WBP11: variants seen among roughly 807,000 people sequenced by gnomAD.
The protein encoded by WBP11 is WW domain binding protein 11, also known as WW domain-binding protein 11.
Under a neutral mutation model 66.7 loss-of-function variants are expected in WBP11, and 12 were observed. The observed-to-expected ratio is 0.18, with a 90% CI of 0.12 to 0.29. The LOEUF (loss-of-function observed/expected upper bound fraction) is 0.29. Among genes scored for constraint, WBP11 ranks in the 10% least tolerant of loss-of-function variants. WBP11 has a pLI of 1.00. For synonymous variants in WBP11, 255 were observed against 273.8 expected (o/e 0.93, Z 0.68); for missense variants, 555 against 818.3 (o/e 0.68, Z 3.93).
chr12:14,792,045 TG>T (rs1271943433), intron 8 of WBP11, among the ~76,000 whole-genome samples: 1 of 152,050 alleles, frequency 6.6e-6, no homozygotes, highest in Non-Finnish European at 1.5e-5. Flanking sequence ...ATACACTACT[TG>T]GGTGAGGGAT....
rs751320347 is a variant in WBP11 at position 14,787,231 on chromosome 12, C to T, written c.1760G>A (p.Arg587Gln). The T allele has an allele frequency of 6.2e-7, 1 of 1,614,182 alleles. No homozygotes were observed. The highest frequency in any genetic ancestry group is 8.5e-7 in the Non-Finnish European group (1 of 1,180,038). Reference sequence around the variant, plus strand: ...AGCAGCAGTAGCCCCTTTATTCTCCCGACGTACTCTCAGTGCAGTGGGCAC... The same window carrying T: ...AGCAGCAGTAGCCCCTTTATTCTCCTGACGTACTCTCAGTGCAGTGGGCAC... Reference protein sequence around the residue: ...RFVPTALRVRRENKGATAAPQ... With the variant: ...RFVPTALRVRQENKGATAAPQ... Residue 587 changes from arginine (R) to glutamine (Q), a missense_variant, in exon 12 of 12, where the codon CGG becomes CAG. Transcript: ENST00000261167.
At chr12:14,795,177 G>C in intron 5 of WBP11, 73 bp from the exon 6 acceptor site, 3 of 1,436,468 alleles carry the variant, frequency 2.1e-6, no homozygotes, top group Middle Eastern at 2.0e-4. Context: ...TGACAAGTCA[G>C]CTGTTTCGTA....
rs576540093 is a variant in WBP11 at position 14,796,628 on chromosome 12, T to C, written c.387+179A>G. ...ATGTGTATATGAAACATAAATTTCA[T>C]GCTTAGACTAGGGTTCCATCCCCAA... On this transcript the variant is annotated intron_variant, in intron 5 of 11. Coordinates refer to ENST00000261167, the MANE Select transcript of WBP11 (RefSeq NM_016312.3). This position sits in a 1 kb window ranked among gnomAD's most constrained non-coding sequence, Gnocchi z 4.5. Among the ~76,000 whole-genome samples, 2 of 152,258 alleles carry C rather than the reference T, an allele frequency of 1.3e-5. No homozygotes were observed. Among genetic ancestry groups the C allele is most frequent in the African/African-American group, 4.8e-5 (2 of 41,538 alleles).
chr12:14,791,783 T>C (rs1949824799), intron 8 of WBP11, among the ~76,000 whole-genome samples: 1 of 152,182 alleles, frequency 6.6e-6, no homozygotes, highest in Non-Finnish European at 1.5e-5. Flanking sequence ...GTGGTATATA[T>C]CCACCATGGA....
intron 1 of WBP11, among the ~76,000 whole-genome samples, chr12:14,802,693 T>TG (rs1055666400): frequency 8.1e-5 from 3 of 36,860 alleles, no homozygotes; most frequent in South Asian, 1.1e-3. Flanking sequence ...AAACTGGGGA[T>TG]GGGGGGGTTA....
chr12:14,788,875 A>C, intron 11 of WBP11, 76 bp downstream of exon 11: 1 of 807,880 alleles, frequency 1.2e-6, no homozygotes, highest in Non-Finnish European at 1.8e-6. Flanking sequence ...CAGAATACTG[A>C]AATGTGACCA....
In WBP11 at chr12:14,790,756, G is replaced by A. The variant is rs1363741049; in HGVS notation, c.1016-7C>T. On this transcript the variant is annotated splice_region_variant and splice_polypyrimidine_tract_variant and intron_variant, in intron 9 of 11. Coordinates refer to ENST00000261167, the MANE Select transcript of WBP11 (RefSeq NM_016312.3). ...TCCTCAGGGATTTCTTGACCTGAAA[G>A]AAATTTTAAACCCAGTAAATGGAGT... 1.9e-6 allele frequency: 3 copies of A among 1,608,798 alleles called. No homozygotes were observed. Among genetic ancestry groups the A allele is most frequent in the Non-Finnish European group, 2.5e-6 (3 of 1,177,208 alleles).
At chr12:14,803,241 AG>A in intron 1 of WBP11, 110 bp downstream of exon 1, 1 of 393,016 alleles carries the variant, frequency 2.5e-6, no homozygotes. Flanking sequence ...GACCTCAACC[AG>A]GGAGAGGAGG....
chr12:14,798,136 C>G (rs1238249363), intron 4 of WBP11, among the ~76,000 whole-genome samples: 1 of 152,136 alleles, frequency 6.6e-6, no homozygotes, highest in Non-Finnish European at 1.5e-5. Flanking sequence ...TTCCTTAAAT[C>G]CTATTAACTA....
chr12:14,793,662 A>G, intron 8 of WBP11, 69 bp downstream of exon 8: 2 of 1,514,944 alleles, frequency 1.3e-6, no homozygotes, highest in South Asian at 2.6e-5. Flanking sequence ...CAGATTCATT[A>G]ATAAATTAGG....
Position 14,791,157 on chromosome 12 carries a change from T to TA in WBP11, c.1015+11_1015+12insT, listed in dbSNP as rs1565672135. 1.2e-6 allele frequency: 2 copies of TA among 1,612,994 alleles called. No individual in the cohort carries two copies. The highest frequency in any genetic ancestry group is 1.7e-6 in the Non-Finnish European group (2 of 1,179,136). ...CACCAAAAGGTGATTCACTATTTTT[T>TA]CCCTGCCTCACCTGCCATACGAAGC... On this transcript the variant is annotated intron_variant, in intron 9 of 11. Coordinates refer to ENST00000261167, the MANE Select transcript of WBP11 (RefSeq NM_016312.3).
intron 10 of WBP11, 114 bp downstream of exon 10, chr12:14,790,342 A>G: frequency 7.4e-7 from 1 of 1,349,854 alleles, no homozygotes; most frequent in Non-Finnish European, 1.0e-6. Context: ...ACATCTTAAG[A>G]GAATCCAATT....
chr12:14,801,416 A>T lies in WBP11; in HGVS notation c.-33T>A. On this transcript the variant is annotated 5_prime_UTR_variant, in exon 2 of 12. Coordinates refer to ENST00000261167, the MANE Select transcript of WBP11 (RefSeq NM_016312.3). ...ATTTGTATGGTTTACTTGTTCATTAAAAAAAGAAAAACCTGTGAAGGTGAA... is the reference window on the plus strand; with the variant it reads ...ATTTGTATGGTTTACTTGTTCATTATAAAAAGAAAAACCTGTGAAGGTGAA... 1 of 1,602,508 alleles carries T rather than the reference A, an allele frequency of 6.2e-7. No homozygotes were observed. The highest frequency in any genetic ancestry group is 8.5e-7 in the Non-Finnish European group (1 of 1,172,444).
At chr12:14,799,799 A>C (rs780518304) in intron 3 of WBP11, 71 bp from the exon 4 acceptor site, 119 of 1,419,876 alleles carry the variant, frequency 8.4e-5, no homozygotes, top group Non-Finnish European at 1.1e-4. Flanking sequence ...TGCTTTAAGA[A>C]TCTAAACAGA....
At chr12:14,793,307 G>GTAC (rs1180723689) in intron 8 of WBP11, among the ~76,000 whole-genome samples, 18 of 152,268 alleles carry the variant, frequency 1.2e-4, no homozygotes, top group African/African-American at 4.1e-4. Flanking sequence ...ACTCATGAGT[G>GTAC]TACCTGGGTT....
At chr12:14,801,128 TG>T (rs1037246962) in intron 2 of WBP11, 191 bp downstream of exon 2, 7 of 491,326 alleles carry the variant, frequency 1.4e-5, no homozygotes, top group African/African-American at 1.4e-4. Flanking sequence ...CAATCAAATT[TG>T]AAAAATAAAA....
In WBP11 at chr12:14,796,052, G is replaced by A. The variant is rs1482275671; in HGVS notation, c.387+755C>T. ...TCCATCTCTAATATCATCCCCCAAG[G>A]CAACCACGGCTACATTTTTTTTTCC... On this transcript the variant is annotated intron_variant, in intron 5 of 11. Transcript: ENST00000261167. The surrounding 1 kb of genome is among the most constrained non-coding windows in gnomAD (Gnocchi z 4.5). Among the ~76,000 whole-genome samples, 3 of 151,898 alleles carry A rather than the reference G, an allele frequency of 2.0e-5. No homozygotes were observed. The East Asian group carries it at 5.8e-4, about 29-fold the overall frequency.
intron 10 of WBP11, among the ~76,000 whole-genome samples, chr12:14,789,374 G>C (rs899948666): frequency 3.3e-5 from 5 of 151,724 alleles, no homozygotes; most frequent in Non-Finnish European, 7.4e-5. Context: ...CACAAGGTCA[G>C]GAGTTCAAGA....
chr12:14,790,208 G>A (rs757889901), intron 10 of WBP11, among the ~76,000 whole-genome samples: 6 of 152,218 alleles, frequency 3.9e-5, no homozygotes, highest in Non-Finnish European at 7.3e-5. Context: ...TCTGTCTGCT[G>A]TAATAAGAAA....
Sources: allele counts gnomAD v4.1 joint callset (sites outside exome capture counted in the v4.1 genomes callset), GRCh38; gene constraint gnomAD v4.1.1; non-coding constraint Gnocchi (gnomAD v3.1); transcripts MANE v1.5; gene names NCBI Gene and HGNC (gene_info 2026-07-23, HGNC 2026-07-21).